The following TPD52 variants were observed in gnomAD, a reference collection of about 807,000 sequenced individuals.
TPD52 encodes the protein tumor protein D52.
TPD52 carries 17 observed loss-of-function variants against 31.3 expected under a neutral mutation model. The ratio of observed to expected loss-of-function variants is 0.54; its 90% confidence interval spans 0.37 to 0.82. TPD52 has a LOEUF of 0.82. Ranked by LOEUF, TPD52 falls within the 40% of genes least tolerant of loss-of-function variation. TPD52 has a pLI of 0.00. For synonymous variants in TPD52, 83 were observed against 89.6 expected, an observed-to-expected ratio of 0.93 and a Z score of 0.42; for missense variants, 212 against 240.1, an observed-to-expected ratio of 0.88 and a Z score of 0.77.
At chr8:80,071,370 C>G (rs1813759645) in intron 1 of TPD52, among the ~76,000 whole-genome samples, 2 of 152,228 alleles carry the variant, frequency 1.3e-5, no homozygotes, top group South Asian at 4.2e-4. Context: ...GCTGTTTCCC[C>G]CAGGTTCCAT....
intron 1 of TPD52, among the ~76,000 whole-genome samples, chr8:80,170,783 G>A (rs1439240602): frequency 6.6e-6 from 1 of 152,114 alleles, no homozygotes; most frequent in Non-Finnish European, 1.5e-5. Flanking sequence ...AGAAGCAAGT[G>A]CACCCAACGC....
chr8:80,153,534 C>T (rs1230380245), intron 1 of TPD52, among the ~76,000 whole-genome samples: 2 of 152,184 alleles, frequency 1.3e-5, no homozygotes, highest in Non-Finnish European at 2.9e-5. Flanking sequence ...TTTTTGGCTA[C>T]ACTGGCATCA....
intron 1 of TPD52, among the ~76,000 whole-genome samples, chr8:80,127,173 T>C (rs1040519166): frequency 1.3e-5 from 2 of 151,522 alleles, no homozygotes; most frequent in African/African-American, 2.4e-5. Context: ...GAAATTCAGG[T>C]TTAGAAACCA....
At chr8:80,124,320 C>T (rs773716663) in intron 1 of TPD52, among the ~76,000 whole-genome samples, 10 of 152,110 alleles carry the variant, frequency 6.6e-5, no homozygotes, top group Non-Finnish European at 1.0e-4. Context: ...TGCATACCAC[C>T]GTGCCTGGCT....
chr8:80,063,506 T>G (rs1037135821), intron 2 of TPD52, among the ~76,000 whole-genome samples: 2 of 152,186 alleles, frequency 1.3e-5, no homozygotes, highest in African/African-American at 2.4e-5. Flanking sequence ...GAATGTTACA[T>G]GTTACTGAAT....
At chr8:80,143,574 C>T (rs1809988117) in intron 1 of TPD52, among the ~76,000 whole-genome samples, 1 of 152,186 alleles carries the variant, frequency 6.6e-6, no homozygotes, top group Non-Finnish European at 1.5e-5. Context: ...TAGCATCCAC[C>T]ACCTGTCTAC....
chr8:80,047,723 C>A (rs2086839528), intron 5 of TPD52, among the ~76,000 whole-genome samples: 1 of 152,160 alleles, frequency 6.6e-6, no homozygotes, highest in Non-Finnish European at 1.5e-5. Flanking sequence ...GGAAAGAGAT[C>A]ATTTCTTTTC....
intron 1 of TPD52, among the ~76,000 whole-genome samples, chr8:80,111,163 G>A (rs970425892): frequency 3.9e-5 from 6 of 152,198 alleles, no homozygotes; most frequent in Admixed American, 2.6e-4. Context: ...AGTGAGCTAC[G>A]ATATCATCAC....
chr8:80,033,311 G>C (rs1419213868), downstream of TPD52: 2 of 147,806 alleles, frequency 1.4e-5, no homozygotes, highest in Non-Finnish European at 3.0e-5. Flanking sequence ...GGGGCGGGGA[G>C]GGGGGTTGGG....
chr8:80,092,416 C>A (rs867304941), intron 1 of TPD52, among the ~76,000 whole-genome samples: 4 of 152,178 alleles, frequency 2.6e-5, no homozygotes, highest in Admixed American at 6.5e-5. Context: ...ATCCAGCAAT[C>A]CTACTACTGG....
intron 1 of TPD52, among the ~76,000 whole-genome samples, chr8:80,078,982 C>T (rs963237585): frequency 1.4e-4 from 21 of 152,150 alleles, no homozygotes; most frequent in African/African-American, 5.1e-4. Flanking sequence ...TCCTGGGAAT[C>T]TGGATGCTTG....
At chr8:80,054,542 T>G (rs1054529229) in intron 2 of TPD52, among the ~76,000 whole-genome samples, 10 of 152,122 alleles carry the variant, frequency 6.6e-5, no homozygotes, top group African/African-American at 2.4e-4. Flanking sequence ...GAAATGCGTC[T>G]CCTGGCTTGT....
At chr8:80,085,384 G>C (rs921577347) in intron 1 of TPD52, among the ~76,000 whole-genome samples, 1 of 152,200 alleles carries the variant, frequency 6.6e-6, no homozygotes, top group Non-Finnish European at 1.5e-5. Flanking sequence ...ACTCAAATAT[G>C]TCAGTGTAAA....
intron 2 of TPD52, among the ~76,000 whole-genome samples, chr8:80,054,358 A>T (rs1247460405): frequency 2.0e-5 from 3 of 152,168 alleles, no homozygotes; most frequent in Non-Finnish European, 4.4e-5. Context: ...AGTAGAACAA[A>T]AGGCTAATCC....
chr8:80,062,838 A>G (rs1563585595), intron 2 of TPD52, among the ~76,000 whole-genome samples: 1 of 152,116 alleles, frequency 6.6e-6, no homozygotes, highest in Admixed American at 6.6e-5. Flanking sequence ...GCATAATGGC[A>G]TGTACCTGGA....
intron 1 of TPD52, among the ~76,000 whole-genome samples, chr8:80,152,179 C>T (rs936105155): frequency 1.3e-5 from 2 of 152,122 alleles, no homozygotes; most frequent in African/African-American, 2.4e-5. Flanking sequence ...TTCATGCCCC[C>T]CCGACCCCAG....
chr8:80,148,419 T>C (rs570150253), intron 1 of TPD52, among the ~76,000 whole-genome samples: 1 of 151,778 alleles, frequency 6.6e-6, no homozygotes, highest in African/African-American at 2.4e-5. Flanking sequence ...TGCCTCAGCC[T>C]CCCAAAATGC....
Position 80,042,581 on chromosome 8 carries a change from G to A in TPD52, c.504+39C>T, listed in dbSNP as rs765692672. On this transcript the variant is annotated intron_variant, in intron 7 of 7. Coordinates refer to ENST00000518937, the MANE Select transcript of TPD52 (RefSeq NM_001025253.3). ...ACAGCAAAGTTAATTAAGACACCAG[G>A]CAATGTATCAAAAAGACCCTGTTCA... 1.3e-5 allele frequency: 21 copies of A among 1,578,364 alleles called. No individual in the cohort carries two copies. The South Asian group carries it at 2.3e-4, about 17-fold the overall frequency.
chr8:80,165,082 A>G (rs1811628673), intron 1 of TPD52, among the ~76,000 whole-genome samples: 1 of 152,126 alleles, frequency 6.6e-6, no homozygotes, highest in African/African-American at 2.4e-5. Flanking sequence ...CAGATATTTC[A>G]CAGAAAATGC....
Sources: gnomAD v4.1 joint callset for allele counts (sites outside exome capture counted in the v4.1 genomes callset) on GRCh38, gnomAD v4.1.1 for gene constraint, MANE v1.5 for transcripts, NCBI Gene and HGNC (gene_info 2026-07-23, HGNC 2026-07-21) for gene names.